Variants in DRD3 observed in about 807,000 individuals in gnomAD.
DRD3 encodes the protein dopamine receptor D3.
A neutral mutation model predicts 36.3 loss-of-function variants in DRD3; 19 were observed. The observed-to-expected ratio is 0.52, with a 90% CI of 0.36 to 0.77. DRD3 has a LOEUF of 0.77. Among genes scored for constraint, DRD3 ranks in the 30% least tolerant of loss-of-function variants. The pLI is 0.00. For missense variants in DRD3, 465 were observed against 505.3 expected (o/e 0.92, Z 0.77); for synonymous variants, 195 against 203.7 (o/e 0.96, Z 0.36).
chr3:114,144,861 C>G (rs2077557238), intron 4 of DRD3, among the ~76,000 whole-genome samples: 2 of 152,060 alleles, frequency 1.3e-5, no homozygotes, highest in Admixed American at 1.3e-4. Flanking sequence ...AAGTCACAGG[C>G]CTTTTCTGCC....
chr3:114,160,080 A>T (rs779021501), intron 2 of DRD3, among the ~76,000 whole-genome samples: 9 of 152,304 alleles, frequency 5.9e-5, no homozygotes, highest in Non-Finnish European at 1.0e-4. Context: ...GAATGTTAGA[A>T]TGCTAATGCT....
intron 5 of DRD3, among the ~76,000 whole-genome samples, chr3:114,133,516 T>TAA (rs371184129): frequency 5.0e-3 from 719 of 143,926 alleles, no homozygotes; most frequent in Non-Finnish European, 7.0e-3. Context: ...TAATAGAAAT[T>TAA]AAAAAAAAAA....
chr3:114,133,739 T>C (rs2077451849), intron 5 of DRD3, among the ~76,000 whole-genome samples: 1 of 7,908 alleles, frequency 1.3e-4, no homozygotes, highest in Non-Finnish European at 6.6e-4. Flanking sequence ...TTGAACTTCT[T>C]TTCATGTTTG....
intron 1 of DRD3, among the ~76,000 whole-genome samples, chr3:114,198,729 A>G (rs1364490210): frequency 6.6e-6 from 1 of 152,048 alleles, no homozygotes; most frequent in Non-Finnish European, 1.5e-5. Flanking sequence ...AATTTACAAA[A>G]CATATAAATA....
At chr3:114,170,714 G>A (rs190756932) in intron 2 of DRD3, among the ~76,000 whole-genome samples, 1 of 152,144 alleles carries the variant, frequency 6.6e-6, no homozygotes, top group Non-Finnish European at 1.5e-5. Context: ...GCTCTCCCGT[G>A]ATATGTCATA....
At chr3:114,131,626 C>A (rs923035751) in intron 5 of DRD3, among the ~76,000 whole-genome samples, 1 of 152,144 alleles carries the variant, frequency 6.6e-6, no homozygotes, top group Non-Finnish European at 1.5e-5. Flanking sequence ...TCAGAGTGAA[C>A]AGGCAGCCTA....
Position 114,139,778 on chromosome 3 carries a change from G to A in DRD3, c.527-82C>T, listed in dbSNP as rs145335342. The A allele has an allele frequency of 8.5e-5, 115 of 1,355,042 alleles. No homozygotes were observed. In the East Asian group the frequency reaches 1.7e-3, roughly 20 times the overall value. 83.9% of individuals were successfully genotyped at this position (1,355,042 alleles called of 1,614,324 possible). A position where few individuals can be genotyped will look rare whatever the true frequency, so the allele number is the denominator to read the frequency against. ...AGCATAAAACACGGCTCCATGTCACGTGTGGTGCCTGCACTTTCTGCTGCA... is the reference window on the plus strand; with the variant it reads ...AGCATAAAACACGGCTCCATGTCACATGTGGTGCCTGCACTTTCTGCTGCA... On this transcript the variant is annotated intron_variant, in intron 4 of 6. Coordinates refer to ENST00000383673, the MANE Select transcript of DRD3 (RefSeq NM_000796.6).
intron 1 of DRD3, among the ~76,000 whole-genome samples, chr3:114,198,533 A>C (rs906811812): frequency 1.3e-5 from 2 of 152,076 alleles, no homozygotes; most frequent in African/African-American, 4.8e-5. Flanking sequence ...TTACTTATTT[A>C]GTTCTAGTAG....
chr3:114,156,885 CT>C, intron 3 of DRD3, among the ~76,000 whole-genome samples: 1 of 97,730 alleles, frequency 1.0e-5, no homozygotes, highest in Non-Finnish European at 2.2e-5. Flanking sequence ...CTTTCTCTTT[CT>C]TTTCTTCTCT....
rs751587515 is a variant in DRD3 at position 114,138,494 on chromosome 3, G to A, written c.723+1006C>T. On this transcript the variant is annotated intron_variant, in intron 5 of 6. Coordinates refer to ENST00000383673, the MANE Select transcript of DRD3 (RefSeq NM_000796.6). ...CCCCCTCATAAAACCATCAGATCTC[G>A]TGAGACTTATTCACTATCATGAGAA... 5.3e-5 allele frequency among the ~76,000 whole-genome samples: 8 copies of A among 152,136 alleles called. 1 individual carries two copies. The South Asian group carries it at 6.2e-4, about 12-fold the overall frequency.
rs147088187 is a variant in DRD3 at position 114,165,966 on chromosome 3, G to A, written c.270+5757C>T. Among the ~76,000 whole-genome samples, 369 of 150,860 alleles carry A rather than the reference G, an allele frequency of 2.4e-3. 1 individual carries two copies. The highest frequency in any genetic ancestry group is 4.3e-3 in the Non-Finnish European group (288 of 67,738). Reference sequence around the variant, plus strand: ...CTGGAAATGCTGGTTTGGTAGACCCGAGGTAGACCCAACAGTTTGTATTTT... The same window carrying A: ...CTGGAAATGCTGGTTTGGTAGACCCAAGGTAGACCCAACAGTTTGTATTTT... On this transcript the variant is annotated intron_variant, in intron 2 of 6. Coordinates refer to ENST00000383673, the MANE Select transcript of DRD3 (RefSeq NM_000796.6).
At chr3:114,159,259 A>G (rs1318295811) in intron 3 of DRD3, among the ~76,000 whole-genome samples, 1 of 151,906 alleles carries the variant, frequency 6.6e-6, no homozygotes, top group African/African-American at 2.4e-5. Flanking sequence ...GCTTTCTAAA[A>G]TTGCCTTTCT....
rs113825165 is a variant in DRD3 at position 114,197,178 on chromosome 3, C to T, written c.-156+2095G>A. 4.3e-3 allele frequency among the ~76,000 whole-genome samples: 636 copies of T among 149,580 alleles called. 5 individuals carry two copies. Among genetic ancestry groups the T allele is most frequent in the African/African-American group, 0.013 (545 of 40,798 alleles). Reference sequence around the variant, plus strand: ...TCCAGGTGGAGTGCAGTGGCATGATCGTAACTCACTGTAACTTCAAACTCC... The same window carrying T: ...TCCAGGTGGAGTGCAGTGGCATGATTGTAACTCACTGTAACTTCAAACTCC... On this transcript the variant is annotated intron_variant, in intron 1 of 7. Coordinates refer to the DRD3 transcript ENST00000460779.
At chr3:114,184,606 A>T (rs2077965149) in intron 1 of DRD3, among the ~76,000 whole-genome samples, 1 of 128,472 alleles carries the variant, frequency 7.8e-6, no homozygotes, top group East Asian at 2.6e-4. Context: ...GGGAAAGTCT[A>T]GTGGTAATGT....
intron 2 of DRD3, among the ~76,000 whole-genome samples, chr3:114,170,144 T>C (rs1166853520): frequency 1.3e-5 from 2 of 152,226 alleles, no homozygotes; most frequent in Non-Finnish European, 2.9e-5. Context: ...AAATATCACA[T>C]GCTTCGAAAT....
intron 1 of DRD3, among the ~76,000 whole-genome samples, chr3:114,192,943 T>C (rs2078018245): frequency 6.6e-6 from 1 of 151,952 alleles, no homozygotes; most frequent in South Asian, 2.1e-4. Flanking sequence ...GTCTTTCCTA[T>C]AGGTAGATTG....
intron 3 of DRD3, among the ~76,000 whole-genome samples, chr3:114,153,292 A>T (rs1164109769): frequency 6.6e-6 from 1 of 151,720 alleles, no homozygotes. Flanking sequence ...CACAGTGCCC[A>T]GTGATTAATA....
chr3:114,131,072 C>A, intron 6 of DRD3, 46 bp downstream of exon 6: 1 of 1,582,126 alleles, frequency 6.3e-7, no homozygotes, highest in Non-Finnish European at 8.6e-7. Context: ...CTTAACTTAA[C>A]ACAACCTAAC....
intron 1 of DRD3, among the ~76,000 whole-genome samples, chr3:114,196,824 T>C (rs945573853): frequency 6.6e-6 from 1 of 152,200 alleles, no homozygotes; most frequent in African/African-American, 2.4e-5. Flanking sequence ...TTATATTGGA[T>C]GTTTGTTTTC....
Sources: gnomAD v4.1 joint callset for allele counts (sites outside exome capture counted in the v4.1 genomes callset) on GRCh38, gnomAD v4.1.1 for gene constraint, MANE v1.5 for transcripts, NCBI Gene and HGNC (gene_info 2026-07-23, HGNC 2026-07-21) for gene names.